ANKRD50: variants seen among roughly 807,000 people sequenced by gnomAD.
The protein encoded by ANKRD50 is ankyrin repeat domain-containing protein 50.
A neutral mutation model predicts 112.0 loss-of-function variants in ANKRD50; 40 were observed. That is an observed-to-expected ratio of 0.36 (90% CI 0.28 to 0.46). The LOEUF is 0.46. ANKRD50 is among the 20% of genes least tolerant of loss of function. ANKRD50 has a pLI of 1.00. For synonymous variants in ANKRD50, 613 were observed against 619.1 expected (o/e 0.99, Z 0.15); for missense variants, 1,487 against 1,701.7 (o/e 0.87, Z 2.22).
chr4:124,666,205 G>A lies in ANKRD50; in HGVS notation c.*1313C>T, dbSNP rs1194886091. On this transcript the variant is annotated 3_prime_UTR_variant, in exon 5 of 5. Coordinates refer to ENST00000504087, the MANE Select transcript of ANKRD50 (RefSeq NM_020337.3). ...TACAGCTCCACTGATTTAAGAGTAA[G>A]GAGACTAAGGCTGTGGGACACATGC... 2 of 152,382 alleles carry A rather than the reference G, an allele frequency of 1.3e-5. No homozygotes were observed. Among genetic ancestry groups the A allele is most frequent in the Non-Finnish European group, 2.9e-5 (2 of 67,918 alleles). The allele number at this position is 152,382 out of a possible 1,614,324, so 9.4% of individuals were successfully genotyped here.
intron 2 of ANKRD50, among the ~76,000 whole-genome samples, chr4:124,705,018 C>T (rs1159042757): frequency 2.6e-5 from 4 of 151,920 alleles, no homozygotes; most frequent in African/African-American, 9.7e-5. Context: ...GGCGTGAACC[C>T]GAGAGGCGGA....
At position 124,672,163 on chromosome 4, in the gene ANKRD50, C is replaced by T. The variant is rs562836486; in HGVS notation, c.1114G>A (p.Ala372Thr). Residue 372 changes from alanine (A) to threonine (T), a missense_variant, in exon 4 of 5, where the codon GCA becomes ACA. By Grantham distance (58) the Ala-to-Thr change is moderately conservative. This residue lies in a region of ANKRD50 where 1,046 missense variants were observed against 1,269.5 expected (regional missense o/e 0.82). Transcript: ENST00000504087. ...AACGACATGTTTTTGGTCCATACTG[C>T]GTGATATAATTCCGTTATGGTCAAA... ...RPLTITELYH[A>T]VWTKNMSLTL... is the part of the protein sequence containing the mutation. 6.1e-5 allele frequency: 98 copies of T among 1,613,736 alleles called. 1 individual carries two copies. The highest frequency in any genetic ancestry group is 1.1e-4 in the East Asian group (5 of 44,880).
intron 2 of ANKRD50, among the ~76,000 whole-genome samples, chr4:124,683,112 A>C (rs536892860): frequency 2.0e-5 from 3 of 151,932 alleles, no homozygotes; most frequent in Non-Finnish European, 2.9e-5. Context: ...CATATATGTA[A>C]TGTGTGTGTA....
chr4:124,679,086 G>GT (rs1241793266), intron 2 of ANKRD50, among the ~76,000 whole-genome samples, 181 bp from the exon 3 acceptor site: 2 of 152,172 alleles, frequency 1.3e-5, no homozygotes, highest in South Asian at 4.1e-4. Context: ...CAAATAGTTT[G>GT]TATTTCCAAT....
In ANKRD50 at chr4:124,672,537, AAAG is replaced by A. The variant is rs775153776; in HGVS notation, c.743-6_743-4del. 184 of 1,563,352 alleles carry A rather than the reference AAAG, an allele frequency of 1.2e-4. No homozygotes were observed. Among genetic ancestry groups the A allele is most frequent in the Middle Eastern group, 1.7e-4 (1 of 5,956 alleles). ...ATCTAAACTTATTTTTCGAAAACCT[AAAG>A]AAGAGATAAAAAAGTAGATGTAATC... On this transcript the variant is annotated splice_region_variant and splice_polypyrimidine_tract_variant and intron_variant, in intron 3 of 4. Coordinates refer to ENST00000504087, the MANE Select transcript of ANKRD50 (RefSeq NM_020337.3).
intron 2 of ANKRD50, among the ~76,000 whole-genome samples, chr4:124,684,978 C>T (rs968245430): frequency 1.3e-5 from 2 of 152,178 alleles, no homozygotes; most frequent in East Asian, 1.9e-4. Context: ...TCTTATCCTT[C>T]AGGTTTCAGC....
intron 2 of ANKRD50, among the ~76,000 whole-genome samples, chr4:124,684,798 T>A (rs371814251): frequency 6.6e-6 from 1 of 152,320 alleles, no homozygotes; most frequent in East Asian, 1.9e-4. Context: ...ATGGTCTTAG[T>A]CATGTAAAAA....
intron 2 of ANKRD50, among the ~76,000 whole-genome samples, chr4:124,707,265 C>T (rs1277975113): frequency 6.6e-6 from 1 of 151,970 alleles, no homozygotes; most frequent in Non-Finnish European, 1.5e-5. Context: ...CCATTTTCCA[C>T]CTGTTGAATT....
intron 2 of ANKRD50, among the ~76,000 whole-genome samples, chr4:124,703,894 G>C (rs1405842232): frequency 6.6e-6 from 1 of 152,122 alleles, no homozygotes; most frequent in African/African-American, 2.4e-5. Context: ...TATGTCATTA[G>C]AGCAGAAGTG....
rs771427503 is a variant in ANKRD50, at chr4:124,672,363, T to C, written c.914A>G (p.Tyr305Cys). The C allele has an allele frequency of 1.2e-6, 2 of 1,613,298 alleles. No individual in the cohort carries two copies. Among genetic ancestry groups the C allele is most frequent in the Non-Finnish European group, 1.7e-6 (2 of 1,179,732 alleles). Residue 305 changes from tyrosine (Y) to cysteine (C), a missense_variant, in exon 4 of 5, where the codon TAC becomes TGC. Around this residue, in one of 2 missense-constraint regions of ANKRD50, gnomAD observed 1,046 missense variants for 1,269.5 expected, o/e 0.82. Transcript: ENST00000504087. Reference sequence around the variant, plus strand: ...AACTCCATCTAAAACTCGTTCTAGGTAAAGAAAGCATCCACTGCTTTTAAT... The same window carrying C: ...AACTCCATCTAAAACTCGTTCTAGGCAAAGAAAGCATCCACTGCTTTTAAT... ...LHIKSSGCFL[Y>C]LERVLDGVVE...
intron 2 of ANKRD50, among the ~76,000 whole-genome samples, chr4:124,697,746 T>C (rs943753427): frequency 4.0e-5 from 6 of 151,612 alleles, no homozygotes; most frequent in African/African-American, 1.2e-4. Context: ...AATAGACTAA[T>C]ACGGGTGGTG....
Position 124,672,135 on chromosome 4 carries a change from G to T in ANKRD50, c.1142C>A (p.Thr381Asn). ...TAACTTGCGTTGAAAATCTTCCAAA[G>T]TTAACGACATGTTTTTGGTCCATAC... Reference protein sequence around the residue: ...HAVWTKNMSLTLEDFQRKLDI... With the variant: ...HAVWTKNMSLNLEDFQRKLDI... The change falls in exon 4 of 5, where the codon ACT becomes AAT. Residue 381 changes from threonine (T) to asparagine (N), a missense_variant. Physicochemically the swap from Thr to Asn is moderately conservative, Grantham distance 65. Coordinates refer to ENST00000504087, the MANE Select transcript of ANKRD50 (RefSeq NM_020337.3). The T allele has an allele frequency of 6.2e-7, 1 of 1,613,860 alleles. No homozygotes were observed.
At chr4:124,689,420 G>A (rs902076997) in intron 2 of ANKRD50, among the ~76,000 whole-genome samples, 1 of 152,146 alleles carries the variant, frequency 6.6e-6, no homozygotes, top group African/African-American at 2.4e-5. Flanking sequence ...CAGACATTTG[G>A]TCAAATATTA....
chr4:124,690,804 C>T (rs1306516851), intron 2 of ANKRD50, among the ~76,000 whole-genome samples: 1 of 152,038 alleles, frequency 6.6e-6, no homozygotes, highest in Non-Finnish European at 1.5e-5. Context: ...TTCTTTAAGG[C>T]CACTGACTTG....
In ANKRD50 at chr4:124,672,417, T is replaced by G. The variant is rs1040340697; in HGVS notation, c.860A>C (p.Glu287Ala). 3 of 1,613,242 alleles carry G rather than the reference T, an allele frequency of 1.9e-6. No homozygotes were observed. Among genetic ancestry groups the G allele is most frequent in the Non-Finnish European group, 2.5e-6 (3 of 1,179,666 alleles). ...CAGTTGATTTAACATCTCTGCAGTT[T>G]CTTTTGTGAGGTGTTGTCGCAAAGC... ...EEALRQHLTKETAEMLNQLHI... is the reference protein window; with the variant it reads ...EEALRQHLTKATAEMLNQLHI... Residue 287 changes from glutamate (E) to alanine (A), a missense_variant, in exon 4 of 5, where the codon GAA becomes GCA. Coordinates refer to ENST00000504087, the MANE Select transcript of ANKRD50 (RefSeq NM_020337.3).
Position 124,710,391 on chromosome 4 carries a change from T to C in ANKRD50, c.121A>G (p.Ser41Gly). 1.2e-6 allele frequency: 2 copies of C among 1,614,186 alleles called. No individual in the cohort carries two copies. Among genetic ancestry groups the C allele is most frequent in the Non-Finnish European group, 1.7e-6 (2 of 1,180,038 alleles). Reference sequence around the variant, plus strand: ...TTGACAGCACTATTGCAGCAGTTACTTTTCTCCTGGAGGCAATGCTGAAGC... The same window carrying C: ...TTGACAGCACTATTGCAGCAGTTACCTTTCTCCTGGAGGCAATGCTGAAGC... ...HKLQHCLQEK[S>G]NCCNSAVNAP... The change falls in exon 2 of 5, where the codon AGT becomes GGT. Residue 41 changes from serine (S) to glycine (G), a missense_variant. Transcript: ENST00000504087.
intron 3 of ANKRD50, 74 bp from the exon 4 acceptor site, chr4:124,672,608 G>A (rs1247971692): frequency 2.0e-6 from 2 of 1,011,568 alleles, no homozygotes; most frequent in African/African-American, 3.3e-5. Context: ...CAAAGAGAAT[G>A]TCAACATATA....
In ANKRD50 at chr4:124,670,021, C is replaced by A. The variant is rs1730597027; in HGVS notation, c.3256G>T (p.Ala1086Ser). 1 of 1,610,160 alleles carries A rather than the reference C, an allele frequency of 6.2e-7. No homozygotes were observed. Among genetic ancestry groups the A allele is most frequent in the African/African-American group, 1.3e-5 (1 of 74,484 alleles). ...ATTATCTGAGAATGTCCATTTTTGGCTGCAACACGCATAGCAGTGCGTCCA... is the reference window on the plus strand; with the variant it reads ...ATTATCTGAGAATGTCCATTTTTGGATGCAACACGCATAGCAGTGCGTCCA... ...QFGRTAMRVA[A>S]KNGHSQIIKL... The change falls in exon 4 of 5, where the codon GCC (alanine) becomes TCC (serine). Residue 1086 changes from alanine to serine, a missense_variant. Around this residue, in one of 2 missense-constraint regions of ANKRD50, gnomAD observed 441 missense variants for 432.2 expected, o/e 1.02. Transcript: ENST00000504087.
chr4:124,682,222 A>G lies in ANKRD50; in HGVS notation c.513-3317T>C, dbSNP rs532824411. On this transcript the variant is annotated intron_variant, in intron 2 of 4. Coordinates refer to ENST00000504087, the MANE Select transcript of ANKRD50 (RefSeq NM_020337.3). ...TCCCAGCTCCTTGGGAGGCTGAGGC[A>G]GGAGAATGGCGTGAACCCGGGAAGC... Among the ~76,000 whole-genome samples the G allele has an allele frequency of 4.0e-5, 6 of 149,468 alleles. No homozygotes were observed. In the South Asian group the frequency reaches 1.3e-3, roughly 32 times the overall value.
Sources: gnomAD v4.1 joint callset for allele counts (sites outside exome capture counted in the v4.1 genomes callset) on GRCh38, gnomAD v4.1.1 for gene constraint, gnomAD v4.1.1 regional missense constraint, MANE v1.5 for transcripts, NCBI Gene and HGNC (gene_info 2026-07-23, HGNC 2026-07-21) for gene names.